The following TNFRSF10D variants were observed in gnomAD, a reference collection of about 807,000 sequenced individuals.
The protein encoded by TNFRSF10D is TNF receptor superfamily member 10d, also known as tumor necrosis factor receptor superfamily member 10D.
TNFRSF10D carries 28 observed loss-of-function variants against 42.1 expected under a neutral mutation model. The observed-to-expected ratio is 0.66, with a 90% CI of 0.49 to 0.91. The LOEUF is 0.91. TNFRSF10D is among the 40% of genes least tolerant of loss of function. The probability of loss-of-function intolerance (pLI) is 0.00; values close to 1 mark genes in which losing one functional copy is unlikely to be tolerated. For missense variants in TNFRSF10D, 503 were observed against 486.1 expected (o/e 1.03, Z -0.33); for synonymous variants, 186 against 189.4 (o/e 0.98, Z 0.15).
At chr8:23,162,552 T>C (rs896738297) in intron 1 of TNFRSF10D, among the ~76,000 whole-genome samples, 1 of 152,232 alleles carries the variant, frequency 6.6e-6, no homozygotes, top group African/African-American at 2.4e-5. Flanking sequence ...GAAAGCACTG[T>C]TGGCAGAAAC....
At chr8:23,156,037 C>T (rs1800275726) in intron 1 of TNFRSF10D, among the ~76,000 whole-genome samples, 1 of 152,088 alleles carries the variant, frequency 6.6e-6, no homozygotes, top group Admixed American at 6.5e-5. Flanking sequence ...GCCATGATCT[C>T]TGTGTTATAA....
intron 7 of TNFRSF10D, among the ~76,000 whole-genome samples, chr8:23,139,395 G>C (rs758278907): frequency 1.3e-5 from 2 of 152,054 alleles, no homozygotes; most frequent in Admixed American, 1.3e-4. Context: ...GAGGTTTTTC[G>C]GGAGGGAAGG....
In TNFRSF10D at chr8:23,156,278, T is replaced by G. The variant is rs117073054; in HGVS notation, c.151-1299A>C. 2.4e-3 allele frequency among the ~76,000 whole-genome samples: 362 copies of G among 152,240 alleles called. 2 individuals carry two copies. Among genetic ancestry groups the G allele is most frequent in the East Asian group, 0.019 (101 of 5,190 alleles). The stretch of plus-strand genomic sequence containing the variant: ...ATTTAATTGTAAATTTACATTTAAT[T>G]AAATTTAATATAATCTTGCTCCTGA... On this transcript the variant is annotated intron_variant, in intron 1 of 8. Transcript: ENST00000312584.
At chr8:23,155,069 A>G (rs561266728) in intron 1 of TNFRSF10D, 90 bp from the exon 2 acceptor site, 6 of 1,032,894 alleles carry the variant, frequency 5.8e-6, no homozygotes, top group African/African-American at 3.3e-5. Context: ...CCCAAGTGAC[A>G]AAACCCATGA....
chr8:23,153,310 G>T lies in TNFRSF10D; in HGVS notation c.256+1564C>A, dbSNP rs1483392369. Among the ~76,000 whole-genome samples, 4 of 152,124 alleles carry T rather than the reference G, an allele frequency of 2.6e-5. No homozygotes were observed. In the East Asian group the frequency reaches 5.8e-4, roughly 22 times the overall value. Reference sequence around the variant, plus strand: ...GAAAATCTTCATGACGTTGGTGTGGGCATTGATTTCTTGGCTATGACCCCA... The same window carrying T: ...GAAAATCTTCATGACGTTGGTGTGGTCATTGATTTCTTGGCTATGACCCCA... On this transcript the variant is annotated intron_variant, in intron 2 of 8. Coordinates refer to ENST00000312584, the MANE Select transcript of TNFRSF10D (RefSeq NM_003840.5).
At chr8:23,145,225 G>T in intron 5 of TNFRSF10D, 136 bp from the exon 6 acceptor site, 1 of 1,081,700 alleles carries the variant, frequency 9.2e-7, no homozygotes, top group Non-Finnish European at 1.3e-6. Flanking sequence ...ACAGAATGGG[G>T]CCTTGCAATT....
chr8:23,158,367 A>G (rs569982667), intron 1 of TNFRSF10D, among the ~76,000 whole-genome samples: 2 of 152,296 alleles, frequency 1.3e-5, no homozygotes, highest in African/African-American at 4.8e-5. Flanking sequence ...ATACTGAGAT[A>G]GCCACGGCAG....
In TNFRSF10D at chr8:23,137,193, C is replaced by T. The variant is rs1210110304; in HGVS notation, c.*677G>A. Reference sequence around the variant, plus strand: ...TTAAAGCTCAAAACTCTAAGTCGAACCCTCGTAAGTCCATATGCTCATGAC... The same window carrying T: ...TTAAAGCTCAAAACTCTAAGTCGAATCCTCGTAAGTCCATATGCTCATGAC... On this transcript the variant is annotated 3_prime_UTR_variant, in exon 9 of 9. Transcript: ENST00000312584. The T allele has an allele frequency of 6.6e-6, 1 of 152,208 alleles. No homozygotes were observed. The highest frequency in any genetic ancestry group is 6.5e-5 in the Admixed American group (1 of 15,280). 9.4% of individuals were successfully genotyped at this position (152,208 alleles called of 1,614,324 possible). A position where few individuals can be genotyped will look rare whatever the true frequency, so the allele number is the denominator to read the frequency against.
chr8:23,147,316 C>G (rs917367792), intron 3 of TNFRSF10D, among the ~76,000 whole-genome samples: 2 of 152,184 alleles, frequency 1.3e-5, no homozygotes, highest in African/African-American at 4.8e-5. Context: ...GTTTAGATGG[C>G]ATGGTCAGTA....
At position 23,138,274 on chromosome 8, in the gene TNFRSF10D, T is replaced by G; in HGVS notation, c.955-14A>C. 6.2e-7 allele frequency: 1 copy of G among 1,614,150 alleles called. No individual in the cohort carries two copies. The highest frequency in any genetic ancestry group is 8.5e-7 in the Non-Finnish European group (1 of 1,179,994). On this transcript the variant is annotated splice_polypyrimidine_tract_variant and intron_variant, in intron 7 of 8. Coordinates refer to ENST00000312584, the MANE Select transcript of TNFRSF10D (RefSeq NM_003840.5). ...TTCTGCCTGTTCCTGTAACACACAG[T>G]GGGGAATGCTCTGGTCAGAGTCAGG...
intron 1 of TNFRSF10D, among the ~76,000 whole-genome samples, chr8:23,157,776 C>T (rs1258471923): frequency 1.3e-5 from 2 of 152,168 alleles, no homozygotes; most frequent in Non-Finnish European, 2.9e-5. Flanking sequence ...TTTGAGCTCC[C>T]ATAATATTCT....
chr8:23,163,508 C>T (rs1438217425), intron 1 of TNFRSF10D, among the ~76,000 whole-genome samples: 1 of 152,220 alleles, frequency 6.6e-6, no homozygotes, highest in Admixed American at 6.5e-5. Context: ...TCCCTCCCTC[C>T]GCTGATTCTG....
At position 23,147,001 on chromosome 8, in the gene TNFRSF10D, C is replaced by T. The variant is rs2128837152; in HGVS notation, c.442G>A (p.Asp148Asn). 6.2e-7 allele frequency: 1 copy of T among 1,613,360 alleles called. No individual in the cohort carries two copies. The highest frequency in any genetic ancestry group is 8.5e-7 in the Non-Finnish European group (1 of 1,180,026). Residue 148 changes from aspartate to asparagine, a missense_variant, in exon 4 of 9, where the codon GAT (aspartate) becomes AAT (asparagine). Physicochemically the swap from Asp to Asn is conservative, Grantham distance 23. Coordinates refer to ENST00000312584, the MANE Select transcript of TNFRSF10D (RefSeq NM_003840.5). ...VCQCEKGSFQ[D>N]KNSPEMCRTC... Reference sequence around the variant, plus strand: ...CGGCACATCTCAGGGGAGTTTTTATCCTGGAAGCTTCCTTTTTCACACTGA... The same window carrying T: ...CGGCACATCTCAGGGGAGTTTTTATTCTGGAAGCTTCCTTTTTCACACTGA...
At chr8:23,144,379 C>A in intron 7 of TNFRSF10D, 71 bp downstream of exon 7, 1 of 1,529,146 alleles carries the variant, frequency 6.5e-7, no homozygotes, top group South Asian at 1.2e-5. Context: ...GGAGGCACTG[C>A]CATGTCCCAC....
chr8:23,138,957 G>A lies in TNFRSF10D; in HGVS notation c.955-697C>T, dbSNP rs150939602. ...GGACCCAAACACCTGCCTTCCCTAA[G>A]CACAGCTGAATATTGTTCTGAAAGG... On this transcript the variant is annotated intron_variant, in intron 7 of 8. Coordinates refer to ENST00000312584, the MANE Select transcript of TNFRSF10D (RefSeq NM_003840.5). 1.6e-3 allele frequency among the ~76,000 whole-genome samples: 250 copies of A among 152,208 alleles called. 1 individual carries two copies. Among genetic ancestry groups the A allele is most frequent in the African/African-American group, 5.8e-3 (239 of 41,526 alleles).
chr8:23,146,820 G>T (rs558323795), intron 4 of TNFRSF10D, 141 bp downstream of exon 4: 2 of 679,724 alleles, frequency 2.9e-6, no homozygotes, highest in Non-Finnish European at 5.1e-6. Context: ...AGGGGCCAAC[G>T]CAGGCTCAGG....
At chr8:23,158,613 TGTCTA>T (rs1349207763) in intron 1 of TNFRSF10D, among the ~76,000 whole-genome samples, 3 of 152,350 alleles carry the variant, frequency 2.0e-5, no homozygotes, top group South Asian at 4.1e-4. Flanking sequence ...AAACTACGGT[TGTCTA>T]GTCTAATTTT....
chr8:23,144,668 AC>A (rs1341447951), intron 6 of TNFRSF10D, 33 bp from the exon 7 acceptor site: 10 of 1,597,380 alleles, frequency 6.3e-6, no homozygotes, highest in Non-Finnish European at 7.7e-6. Flanking sequence ...TCAAGTCCAC[AC>A]CCCGGGCTCA....
rs1441246843 is a variant in TNFRSF10D at position 23,163,334 on chromosome 8, C to T, written c.150+452G>A. ...GCTAGGCTGGTCTCCAACTCCTGACCTCAGGTGATCCGCCCGCCTCGGCCT... is the reference window on the plus strand; with the variant it reads ...GCTAGGCTGGTCTCCAACTCCTGACTTCAGGTGATCCGCCCGCCTCGGCCT... On this transcript the variant is annotated intron_variant, in intron 1 of 8. Transcript: ENST00000312584. Among the ~76,000 whole-genome samples the T allele has an allele frequency of 2.0e-5, 3 of 152,224 alleles. No individual in the cohort carries two copies. In the South Asian group the frequency reaches 6.2e-4, roughly 32 times the overall value.
Sources: allele counts gnomAD v4.1 joint callset (sites outside exome capture counted in the v4.1 genomes callset), GRCh38; gene constraint gnomAD v4.1.1; transcripts MANE v1.5; gene names NCBI Gene and HGNC (gene_info 2026-07-23, HGNC 2026-07-21).